The following GPR155 variants were observed in gnomAD, a reference collection of about 807,000 sequenced individuals.
The protein encoded by GPR155 is G protein-coupled receptor 155.
Under a neutral mutation model 93.1 loss-of-function variants are expected in GPR155, and 65 were observed. The observed-to-expected ratio is 0.70, with a 90% CI of 0.57 to 0.86. GPR155 has a LOEUF of 0.86. Among genes scored for constraint, GPR155 ranks in the 40% least tolerant of loss-of-function variants. GPR155 has a pLI of 0.00. For synonymous variants in GPR155, 319 were observed against 360.1 expected, an observed-to-expected ratio of 0.89 and a Z score of 1.29; for missense variants, 838 against 1,034.8, an observed-to-expected ratio of 0.81 and a Z score of 2.61.
intron 2 of GPR155, among the ~76,000 whole-genome samples, chr2:174,477,700 C>T (rs1025934172): frequency 6.6e-5 from 10 of 151,964 alleles, no homozygotes; most frequent in African/African-American, 2.4e-4. Flanking sequence ...AAAAAATATA[C>T]ATGAAAGCAG....
Position 174,468,954 on chromosome 2 carries a change from C to G in GPR155, c.1140G>C (p.Gln380His), listed in dbSNP as rs1687915183. 3 of 1,614,024 alleles carry G rather than the reference C, an allele frequency of 1.9e-6. No individual in the cohort carries two copies. The highest frequency in any genetic ancestry group is 2.5e-6 in the Non-Finnish European group (3 of 1,179,926). ...CAATACTTATATCAAAACTAACATTCTGGATGGCATATGCCAATGGCTTAG... is the reference window on the plus strand; with the variant it reads ...CAATACTTATATCAAAACTAACATTGTGGATGGCATATGCCAATGGCTTAG... ...MDPKPLAYAI[Q>H]NVSFDISIVS... The change falls in exon 5 of 16, where the codon CAG (glutamine) becomes CAC (histidine). Residue 380 changes from glutamine (Q) to histidine (H), a missense_variant. By Grantham distance (24) the Gln-to-His change is conservative. Transcript: ENST00000392552.
At chr2:174,460,817 T>G (rs1687669724) in intron 9 of GPR155, among the ~76,000 whole-genome samples, 1 of 152,210 alleles carries the variant, frequency 6.6e-6, no homozygotes, top group African/African-American at 2.4e-5. Context: ...ACTAACCAGA[T>G]GCCAAGACTA....
chr2:174,458,460 C>T (rs776385898), intron 10 of GPR155, among the ~76,000 whole-genome samples: 7 of 152,176 alleles, frequency 4.6e-5, no homozygotes, highest in Non-Finnish European at 8.8e-5. Context: ...GTAATACCCA[C>T]AATTATACAT....
At chr2:174,466,181 C>T (rs1184685565) in intron 6 of GPR155, among the ~76,000 whole-genome samples, 1 of 152,058 alleles carries the variant, frequency 6.6e-6, no homozygotes, top group African/African-American at 2.4e-5. Context: ...TAATTTTATA[C>T]CTGTATTTAG....
At chr2:174,448,704 A>AT (rs1407425080) in intron 11 of GPR155, among the ~76,000 whole-genome samples, 2 of 150,936 alleles carry the variant, frequency 1.3e-5, no homozygotes, top group African/African-American at 4.9e-5. Context: ...CGCCCGGCTA[A>AT]TTTTTTGTAT....
At chr2:174,459,732 C>T (rs1233775264) in intron 10 of GPR155, 146 bp downstream of exon 10, 3 of 597,072 alleles carry the variant, frequency 5.0e-6, no homozygotes, top group Non-Finnish European at 5.9e-6. Flanking sequence ...GTAGTCCTAG[C>T]TACTCTGGAG....
chr2:174,459,375 A>G (rs572758693), intron 10 of GPR155, among the ~76,000 whole-genome samples: 1 of 152,348 alleles, frequency 6.6e-6, no homozygotes, highest in Non-Finnish European at 1.5e-5. Context: ...ATTTAACAAA[A>G]GTGTATACTC....
In GPR155 at chr2:174,443,304, C is replaced by G. The variant is rs150996710; in HGVS notation, c.2110-1121G>C. ...TTAATATTAGGAAAAACAGCAACATCTATTGACAAATGTTAACTCATTCAT... is the reference window on the plus strand; with the variant it reads ...TTAATATTAGGAAAAACAGCAACATGTATTGACAAATGTTAACTCATTCAT... On this transcript the variant is annotated intron_variant, in intron 13 of 15. Transcript: ENST00000392552. Among the ~76,000 whole-genome samples, 438 of 152,226 alleles carry G rather than the reference C, an allele frequency of 2.9e-3. 2 individuals are homozygous for G. The highest frequency in any genetic ancestry group is 9.7e-3 in the African/African-American group (404 of 41,546).
intron 12 of GPR155, among the ~76,000 whole-genome samples, chr2:174,446,358 T>G (rs1294263401): frequency 6.7e-6 from 1 of 149,292 alleles, no homozygotes; most frequent in Non-Finnish European, 1.5e-5. Context: ...TACCAAATTC[T>G]AGGTTCAGAG....
chr2:174,486,344 CTGGGAAGGCAGCTGTGGAAG>C (rs1688479764), intron 1 of GPR155, among the ~76,000 whole-genome samples: 1 of 152,146 alleles, frequency 6.6e-6, no homozygotes, highest in East Asian at 1.9e-4. Flanking sequence ...CAGCCAACCC[CTGGGAAGGCAGCTGTGGAAG>C]TGGAAAGGCA....
intron 15 of GPR155, 94 bp from the exon 16 acceptor site, chr2:174,436,510 G>A (rs917091595): frequency 3.4e-6 from 4 of 1,179,904 alleles, no homozygotes; most frequent in Admixed American, 2.1e-5. Context: ...AAGGAAACAA[G>A]GAAAGACAGC....
chr2:174,466,009 A>G (rs531575881), intron 6 of GPR155, 107 bp from the exon 7 acceptor site: 2 of 604,968 alleles, frequency 3.3e-6, no homozygotes, highest in Non-Finnish European at 6.0e-6. Flanking sequence ...TCTTTCATTC[A>G]CAGCAAATAT....
intron 1 of GPR155, among the ~76,000 whole-genome samples, chr2:174,483,471 A>T (rs2105744263): frequency 6.6e-6 from 1 of 152,354 alleles, no homozygotes; most frequent in African/African-American, 2.4e-5. Flanking sequence ...TAGTACAATA[A>T]TTATCAGACC....
rs550108759 is a variant in GPR155 at position 174,473,920 on chromosome 2, T to A, written c.461-556A>T. Reference sequence around the variant, plus strand: ...GAGGCCTCTAGGAATTAGGGACAGTTGGAAGTGCGGGAGTTCAGAGTAAAA... The same window carrying A: ...GAGGCCTCTAGGAATTAGGGACAGTAGGAAGTGCGGGAGTTCAGAGTAAAA... On this transcript the variant is annotated intron_variant, in intron 2 of 15. Transcript: ENST00000392552. Among the ~76,000 whole-genome samples, 8 of 152,292 alleles carry A rather than the reference T, an allele frequency of 5.3e-5. No homozygotes were observed. The East Asian group carries it at 1.5e-3, about 29-fold the overall frequency.
At chr2:174,442,268 T>A in intron 13 of GPR155, 85 bp from the exon 14 acceptor site, 1 of 771,498 alleles carries the variant, frequency 1.3e-6, no homozygotes, top group Non-Finnish European at 2.3e-6. Flanking sequence ...CCAAATTTAG[T>A]GTTTGAGGAG....
At chr2:174,450,836 T>G (rs751484702) in intron 11 of GPR155, among the ~76,000 whole-genome samples, 1 of 152,218 alleles carries the variant, frequency 6.6e-6, no homozygotes. Context: ...GTATACCCAT[T>G]AAACATGGTC....
chr2:174,465,852 A>AT lies in GPR155; in HGVS notation c.1316dup (p.Asn439LysfsTer18). 6.2e-7 allele frequency: 1 copy of AT among 1,608,288 alleles called. No individual in the cohort carries two copies. The highest frequency in any genetic ancestry group is 8.5e-7 in the Non-Finnish European group (1 of 1,175,540). On this transcript the variant is annotated frameshift_variant, in exon 7 of 16. Transcript: ENST00000392552. LOFTEE classifies it high-confidence loss of function. ...CAAACACCAAAATTTGTCCAACAAAATTTTTTTCTTTAACAAAATTCCATA... is the reference window on the plus strand; with the variant it reads ...CAAACACCAAAATTTGTCCAACAAAATTTTTTTTCTTTAACAAAATTCCATA...
intron 13 of GPR155, among the ~76,000 whole-genome samples, chr2:174,443,051 C>CT (rs1225040761): frequency 6.6e-6 from 1 of 152,204 alleles, no homozygotes; most frequent in East Asian, 1.9e-4. Context: ...GATAGCTCAG[C>CT]TTAGAATGGG....
chr2:174,436,273 G>A lies in GPR155; in HGVS notation c.2456C>T (p.Thr819Ile), dbSNP rs1229936721. The change falls in exon 16 of 16, where the codon ACC becomes ATC. Residue 819 changes from threonine to isoleucine, a missense_variant. By Grantham distance (89) the Thr-to-Ile change is moderately conservative. Transcript: ENST00000392552. The part of the protein sequence containing the change: ...LVQGGVIQHI[T>I]NEYEFRDEYL... ...CTCATCCCGGAATTCATACTCGTTG[G>A]TAATATGTTGGATGACTCCCCCTTG... The A allele has an allele frequency of 1.2e-5, 19 of 1,614,096 alleles. No homozygotes were observed. Among genetic ancestry groups the A allele is most frequent in the Non-Finnish European group, 1.5e-5 (18 of 1,179,970 alleles).
Sources: allele counts gnomAD v4.1 joint callset (sites outside exome capture counted in the v4.1 genomes callset), GRCh38; gene constraint gnomAD v4.1.1; transcripts MANE v1.5; gene names NCBI Gene and HGNC (gene_info 2026-07-23, HGNC 2026-07-21).